Variants in UBA3 observed in about 807,000 individuals in gnomAD.
The protein encoded by UBA3 is NEDD8-activating enzyme E1 catalytic subunit.
A neutral mutation model predicts 73.5 loss-of-function variants in UBA3; 26 were observed. The observed-to-expected ratio is 0.35, with a 90% CI of 0.26 to 0.49. The LOEUF is 0.49. Among genes scored for constraint, UBA3 ranks in the 20% least tolerant of loss-of-function variants. The pLI, the probability that UBA3 is intolerant of heterozygous loss-of-function variation, is 0.98. For synonymous variants in UBA3, 217 were observed against 191.2 expected (o/e 1.13, Z -1.11); for missense variants, 495 against 555.6 (o/e 0.89, Z 1.10).
At chr3:69,064,259 A>C in intron 6 of UBA3, 148 bp from the exon 7 acceptor site, 1 of 647,372 alleles carries the variant, frequency 1.5e-6, no homozygotes, top group Non-Finnish European at 2.5e-6. Context: ...ATCTGACTAA[A>C]TGAACACAAC....
chr3:69,056,236 A>G lies in UBA3; in HGVS notation c.1131T>C (p.Ser377=), dbSNP rs528819601. Residue 377 remains serine (S), a synonymous_variant, in exon 15 of 18, where the codon TCT becomes TCC. Transcript: ENST00000361055. The stretch of plus-strand genomic sequence containing the variant: ...AAACCTCCTGTAGTTTAGCTGATGG[A>G]GAAAACTGAATATTTTGAGGAAGCT... The part of the protein sequence containing the change: ...CSQLPQNIQF[S]PSAKLQEVLD... The G allele has an allele frequency of 1.2e-6, 2 of 1,605,190 alleles. No homozygotes were observed. Among genetic ancestry groups the G allele is most frequent in the Admixed American group, 3.5e-5 (2 of 57,808 alleles).
At chr3:69,068,545 GAAAAAAA>G (rs35335070) in intron 5 of UBA3, among the ~76,000 whole-genome samples, 3 of 129,004 alleles carry the variant, frequency 2.3e-5, no homozygotes, top group African/African-American at 5.7e-5. Context: ...ATATAAAATG[GAAAAAAA>G]AAAAAAAAAG....
rs550544148 is a variant in UBA3 at position 69,080,099 on chromosome 3, C to A, written c.62+13G>T. 18 of 1,608,074 alleles carry A rather than the reference C, an allele frequency of 1.1e-5. No individual in the cohort carries two copies. Among genetic ancestry groups the A allele is most frequent in the Admixed American group, 1.7e-5 (1 of 59,794 alleles). On this transcript the variant is annotated intron_variant, in intron 2 of 17. Transcript: ENST00000361055. ...GTCCCCGGAGAGGGCCCCGGCCTCC[C>A]GGCAGCACTAACTTCTCAGCCAGCA...
chr3:69,080,325 G>C lies in UBA3; in HGVS notation c.20+9C>G. 3 of 1,603,856 alleles carry C rather than the reference G, an allele frequency of 1.9e-6. No individual in the cohort carries two copies. The highest frequency in any genetic ancestry group is 2.5e-6 in the Non-Finnish European group (3 of 1,177,162). On this transcript the variant is annotated intron_variant, in intron 1 of 17. Coordinates refer to ENST00000361055, the MANE Select transcript of UBA3 (RefSeq NM_003968.4). ...CAGCCCGGCGCGTCTGCAGAGCCCC[G>C]GTACTTACGGCTCCTCGCCATCCGC...
At chr3:69,075,606 G>T in intron 3 of UBA3, 96 bp from the exon 4 acceptor site, 2 of 590,448 alleles carry the variant, frequency 3.4e-6, no homozygotes, top group Non-Finnish European at 5.2e-6. Flanking sequence ...ATGTTTCCAG[G>T]AAAAAATGCC....
intron 12 of UBA3, 66 bp from the exon 13 acceptor site, chr3:69,056,881 T>C: frequency 2.6e-6 from 4 of 1,531,088 alleles, no homozygotes; most frequent in South Asian, 1.2e-5. Context: ...AAGTCAGTTA[T>C]AAATCAGAAC....
intron 5 of UBA3, among the ~76,000 whole-genome samples, chr3:69,070,756 G>A (rs573817214): frequency 1.4e-4 from 21 of 152,096 alleles, no homozygotes; most frequent in Admixed American, 3.9e-4. Context: ...GAGCTCAAAC[G>A]ATCCTCCTAC....
chr3:69,079,933 G>T (rs1185614464), intron 2 of UBA3, 179 bp downstream of exon 2: 3 of 567,064 alleles, frequency 5.3e-6, no homozygotes, highest in Non-Finnish European at 9.1e-6. Flanking sequence ...GCAGATACCG[G>T]GAGCGGCCCG....
intron 2 of UBA3, 95 bp downstream of exon 2, chr3:69,080,017 C>A (rs886450295): frequency 8.1e-7 from 1 of 1,230,562 alleles, no homozygotes; most frequent in African/African-American, 1.6e-5. Flanking sequence ...GTCCCCCTCC[C>A]AGCCCCCCGG....
At chr3:69,060,293 A>C (rs1041762658) in intron 11 of UBA3, among the ~76,000 whole-genome samples, 3 of 152,040 alleles carry the variant, frequency 2.0e-5, no homozygotes, top group Non-Finnish European at 2.9e-5. Flanking sequence ...AGAAAAACAA[A>C]AAAAAAAAGA....
intron 3 of UBA3, among the ~76,000 whole-genome samples, chr3:69,077,021 A>G (rs1575849203): frequency 6.6e-6 from 1 of 151,748 alleles, no homozygotes; most frequent in Admixed American, 6.6e-5. Flanking sequence ...ATCTTAAATT[A>G]TCAGGCAAAA....
chr3:69,063,472 A>G lies in UBA3; in HGVS notation c.504T>C (p.Ser168=). 1 of 1,587,458 alleles carries G rather than the reference A, an allele frequency of 6.3e-7. No individual in the cohort carries two copies. Among genetic ancestry groups the G allele is most frequent in the Non-Finnish European group, 8.6e-7 (1 of 1,168,024 alleles). ...CATTTATCCATCTTCTGGCGATGATAGAGTCCAGTCCACATACAATAATAT... is the reference window on the plus strand; with the variant it reads ...CATTTATCCATCTTCTGGCGATGATGGAGTCCAGTCCACATACAATAATAT... The part of the protein sequence containing the change: ...QFHIIVCGLD[S]IIARRWINGM... Residue 168 remains serine, a synonymous_variant, in exon 8 of 18, where the codon TCT becomes TCC. Coordinates refer to ENST00000361055, the MANE Select transcript of UBA3 (RefSeq NM_003968.4).
At chr3:69,077,633 C>T in intron 3 of UBA3, 165 bp downstream of exon 3, 1 of 733,992 alleles carries the variant, frequency 1.4e-6, no homozygotes, top group Non-Finnish European at 2.0e-6. Flanking sequence ...AATATTCAAA[C>T]AAAATCAGTT....
intron 8 of UBA3, 56 bp from the exon 9 acceptor site, chr3:69,063,193 G>T: frequency 6.3e-7 from 1 of 1,597,218 alleles, no homozygotes; most frequent in Non-Finnish European, 8.5e-7. Context: ...TTCAAAAGAA[G>T]AAGTATGCTT....
intron 5 of UBA3, 32 bp from the exon 6 acceptor site, chr3:69,068,040 AT>A: frequency 7.4e-7 from 1 of 1,356,042 alleles, no homozygotes; most frequent in African/African-American, 1.5e-5. Context: ...TATAATTCAT[AT>A]TATAAATCTA....
At position 69,055,083 on chromosome 3, in the gene UBA3, A is replaced by G. The variant is rs2091961509; in HGVS notation, c.*354T>C. ...TTAATTCTTTATTTTCCTTAAAGGGACACCTTTTGTGTATTTGGGTACTCA... is the reference window on the plus strand; with the variant it reads ...TTAATTCTTTATTTTCCTTAAAGGGGCACCTTTTGTGTATTTGGGTACTCA... On this transcript the variant is annotated 3_prime_UTR_variant, in exon 18 of 18. Transcript: ENST00000361055. The G allele has an allele frequency of 6.1e-6, 1 of 165,000 alleles. No homozygotes were observed. 10.2% of individuals were successfully genotyped at this position (165,000 alleles called of 1,614,324 possible).
chr3:69,071,699 G>A, intron 4 of UBA3, 82 bp from the exon 5 acceptor site: 1 of 816,464 alleles, frequency 1.2e-6, no homozygotes, highest in East Asian at 2.9e-5. Context: ...GTAGTCTTAA[G>A]TCTACAAATT....
Position 69,055,910 on chromosome 3 carries a change from A to T in UBA3, c.1249-5T>A, listed in dbSNP as rs759337169. The T allele has an allele frequency of 1.9e-6, 3 of 1,611,436 alleles. No individual in the cohort carries two copies. In the South Asian group the frequency reaches 3.3e-5, roughly 18 times the overall value. On this transcript the variant is annotated splice_region_variant and splice_polypyrimidine_tract_variant and intron_variant, in intron 16 of 17. Coordinates refer to ENST00000361055, the MANE Select transcript of UBA3 (RefSeq NM_003968.4). ...TTCTTCAATAGAGGTTACCGACTAG[A>T]AAACAAAATTACTTTAATGTAAGAC...
chr3:69,076,574 T>G (rs2092168515), intron 3 of UBA3: 1 of 151,672 alleles, frequency 6.6e-6, no homozygotes, highest in Admixed American at 6.6e-5. Context: ...GCTGCTTTTT[T>G]TTTTCCTTTT....
Sources: gnomAD v4.1 joint callset for allele counts (sites outside exome capture counted in the v4.1 genomes callset) on GRCh38, gnomAD v4.1.1 for gene constraint, MANE v1.5 for transcripts, NCBI Gene and HGNC (gene_info 2026-07-23, HGNC 2026-07-21) for gene names.